The following HMGCLL1 variants were observed in gnomAD, a reference collection of about 807,000 sequenced individuals.
HMGCLL1 encodes the protein 3-hydroxy-3-methylglutaryl-CoA lyase like 1.
HMGCLL1 carries 36 observed loss-of-function variants against 39.1 expected under a neutral mutation model. The observed-to-expected ratio is 0.92, with a 90% CI of 0.71 to 1.22. HMGCLL1 has a LOEUF of 1.22. Among genes scored for constraint, HMGCLL1 ranks in the 50% most tolerant of loss-of-function variants. The probability of loss-of-function intolerance (pLI) is 0.00; values close to 1 mark genes in which losing one functional copy is unlikely to be tolerated. For synonymous variants in HMGCLL1, 149 were observed against 144.0 expected (o/e 1.03, Z -0.25); for missense variants, 451 against 416.5 (o/e 1.08, Z -0.72).
At chr6:55,545,119 T>C (rs1769888795) in intron 1 of HMGCLL1, among the ~76,000 whole-genome samples, 1 of 151,900 alleles carries the variant, frequency 6.6e-6, no homozygotes, top group Non-Finnish European at 1.5e-5. Context: ...GGTCTCATTA[T>C]CACTGATTGT....
At chr6:55,633,477 TA>T in the HMGCLL1 span, among the ~76,000 whole-genome samples, 9 of 150,236 alleles carry the variant, frequency 6.0e-5, no homozygotes, top group Non-Finnish European at 7.4e-5. Context: ...CATGGAATAA[TA>T]AAAAAAACAA....
At chr6:55,550,933 T>C (rs1310309623) in intron 1 of HMGCLL1, among the ~76,000 whole-genome samples, 1 of 150,768 alleles carries the variant, frequency 6.6e-6, no homozygotes, top group Non-Finnish European at 1.5e-5. Context: ...TCCTGACCTA[T>C]ACAATAAAAA....
At chr6:55,526,552 C>T (rs1032854870) in intron 3 of HMGCLL1, among the ~76,000 whole-genome samples, 5 of 151,946 alleles carry the variant, frequency 3.3e-5, no homozygotes, top group Admixed American at 6.6e-5. Flanking sequence ...CATTTATCTC[C>T]CTTGGTTTTA....
At chr6:55,599,058 AACAATGAGAAC>A in the HMGCLL1 span, among the ~76,000 whole-genome samples, 1 of 152,146 alleles carries the variant, frequency 6.6e-6, no homozygotes, top group Non-Finnish European at 1.5e-5. Context: ...GTGGGAGCTG[AACAATGAGAAC>A]ACATGGACAC....
At chr6:55,486,835 A>C (rs1467142592) in intron 7 of HMGCLL1, among the ~76,000 whole-genome samples, 2 of 152,114 alleles carry the variant, frequency 1.3e-5, no homozygotes, top group African/African-American at 4.8e-5. Context: ...GCAGTTCTAG[A>C]AGCTGGGAAG....
chr6:55,612,387 G>A, the HMGCLL1 span, among the ~76,000 whole-genome samples: 1 of 152,100 alleles, frequency 6.6e-6, no homozygotes. Flanking sequence ...GTAATTTATA[G>A]ATTCAATGCT....
chr6:55,509,615 G>A (rs1767336427), intron 5 of HMGCLL1, among the ~76,000 whole-genome samples: 1 of 151,838 alleles, frequency 6.6e-6, no homozygotes, highest in Non-Finnish European at 1.5e-5. Context: ...GTGTTTTAAA[G>A]GAGAATACTG....
intron 8 of HMGCLL1, among the ~76,000 whole-genome samples, chr6:55,436,362 T>C (rs1430806718): frequency 6.6e-6 from 1 of 152,044 alleles, no homozygotes; most frequent in African/African-American, 2.4e-5. Context: ...TGAGAGGTTG[T>C]ACTGTCTGAA....
At chr6:55,483,589 G>T (rs1007260703) in intron 7 of HMGCLL1, among the ~76,000 whole-genome samples, 4 of 152,110 alleles carry the variant, frequency 2.6e-5, no homozygotes, top group African/African-American at 9.7e-5. Context: ...AAGGACTAAG[G>T]CGTGGTGTTA....
chr6:55,448,581 G>A (rs9464247), intron 7 of HMGCLL1, among the ~76,000 whole-genome samples: 70,774 of 151,570 alleles, frequency 0.47, 16,788 homozygotes, highest in African/African-American at 0.56. Context: ...CATACCCCCA[G>A]AAGTATTCTG....
At chr6:55,543,452 GATATATATCATATATATCATATATAAT>G (rs1561951480) in intron 1 of HMGCLL1, among the ~76,000 whole-genome samples, 1,210 of 84,604 alleles carry the variant, frequency 0.014, 15 homozygotes, top group Non-Finnish European at 0.021. Flanking sequence ...TGATATATAT[GATATATATCATATATATCATATATAAT>G]ATATATATGA....
chr6:55,629,449 T>A, the HMGCLL1 span, among the ~76,000 whole-genome samples: 2 of 152,160 alleles, frequency 1.3e-5, no homozygotes, highest in Non-Finnish European at 2.9e-5. Flanking sequence ...GCATAAAAGT[T>A]CAGAACATTT....
Position 55,492,998 on chromosome 6 carries a change from A to C in HMGCLL1, c.795+2421T>G, listed in dbSNP as rs192499740. Among the ~76,000 whole-genome samples the C allele has an allele frequency of 3.2e-3, 486 of 151,910 alleles. 4 individuals are homozygous for C. Among genetic ancestry groups the C allele is most frequent in the Non-Finnish European group, 4.3e-3 (293 of 67,946 alleles). ...ACGTGCACAGAAACACACAGATCTC[A>C]AATAGTTTAGCGTAAGCCGAAGATA... On this transcript the variant is annotated intron_variant, in intron 7 of 8. Transcript: ENST00000274901.
chr6:55,501,884 G>C (rs1312893618), intron 5 of HMGCLL1, among the ~76,000 whole-genome samples: 34 of 151,758 alleles, frequency 2.2e-4, no homozygotes. Context: ...ACTAATCTCA[G>C]GAATTTCCTC....
intron 1 of HMGCLL1, among the ~76,000 whole-genome samples, chr6:55,544,718 G>A (rs1769860085): frequency 6.6e-6 from 1 of 152,122 alleles, no homozygotes. Flanking sequence ...ATCAGCAAAA[G>A]AACCCAGATG....
At chr6:55,446,334 A>T (rs114201852) in intron 7 of HMGCLL1, among the ~76,000 whole-genome samples, 3,500 of 148,868 alleles carry the variant, frequency 0.024, 134 homozygotes, top group African/African-American at 0.081. Flanking sequence ...TATATAACAT[A>T]TATAAATACA....
At chr6:55,676,016 A>C in the HMGCLL1 span, among the ~76,000 whole-genome samples, 3 of 152,146 alleles carry the variant, frequency 2.0e-5, no homozygotes, top group Non-Finnish European at 4.4e-5. Flanking sequence ...CTGGCCACCT[A>C]CAGCCAATTT....
At chr6:55,650,301 G>A in the HMGCLL1 span, among the ~76,000 whole-genome samples, 1 of 150,798 alleles carries the variant, frequency 6.6e-6, no homozygotes, top group Non-Finnish European at 1.5e-5. Flanking sequence ...TCATAGTCTG[G>A]GCTTGTTTGT....
chr6:55,667,589 A>G, the HMGCLL1 span, among the ~76,000 whole-genome samples: 1 of 151,764 alleles, frequency 6.6e-6, no homozygotes, highest in Non-Finnish European at 1.5e-5. Flanking sequence ...AATACTTCAG[A>G]GGGAAAGAAG....
Sources: allele counts gnomAD v4.1 joint callset (sites outside exome capture counted in the v4.1 genomes callset), GRCh38; gene constraint gnomAD v4.1.1; transcripts MANE v1.5; gene names NCBI Gene and HGNC (gene_info 2026-07-23, HGNC 2026-07-21).